Variants in NEK11 observed in about 807,000 individuals in gnomAD.
The protein encoded by NEK11 is NIMA related kinase 11, also known as serine/threonine-protein kinase Nek11.
In NEK11, 72 loss-of-function variants were observed where a neutral mutation model predicts 80.7. The observed-to-expected ratio is 0.89, with a 90% CI of 0.74 to 1.08. NEK11 has a LOEUF of 1.08. Among genes scored for constraint, NEK11 ranks in the 50% least tolerant of loss-of-function variants. The pLI is 0.00. For missense variants in NEK11, 764 were observed against 763.6 expected (o/e 1.00, Z -0.01); for synonymous variants, 251 against 260.7 (o/e 0.96, Z 0.36).
At chr3:131,187,085 G>A (rs1231935994) in intron 14 of NEK11, among the ~76,000 whole-genome samples, 12 of 152,206 alleles carry the variant, frequency 7.9e-5, no homozygotes, top group South Asian at 2.1e-4. Context: ...GGTGCTGTGC[G>A]TTTGAGGAGC....
chr3:131,227,098 G>A lies in NEK11; in HGVS notation c.1400-1430G>A, dbSNP rs192117281. On this transcript the variant is annotated intron_variant, in intron 14 of 17. Transcript: ENST00000383366. ...TTGAAATTGCTGAGAGAAGGTATGAGATCCCTAGTACACTGCTTTCTAAGG... is the reference window on the plus strand; with the variant it reads ...TTGAAATTGCTGAGAGAAGGTATGAAATCCCTAGTACACTGCTTTCTAAGG... 4.6e-5 allele frequency among the ~76,000 whole-genome samples: 7 copies of A among 151,712 alleles called. No homozygotes were observed. The East Asian group carries it at 1.4e-3, about 29-fold the overall frequency.
intron 3 of NEK11, 67 bp downstream of exon 3, chr3:131,029,945 G>A (rs1452695098): frequency 6.1e-6 from 9 of 1,472,646 alleles, no homozygotes. Flanking sequence ...TAGCTGATTA[G>A]GAACATGGAG....
rs898385668 is a variant in NEK11 at position 131,233,144 on chromosome 3, G to A, written c.1560+4456G>A. Reference sequence around the variant, plus strand: ...GGAGGGAGGGAGGGAGAGAGAGAGGGAGCAATTGGATGGGAGCCTCAGGCT... The same window carrying A: ...GGAGGGAGGGAGGGAGAGAGAGAGGAAGCAATTGGATGGGAGCCTCAGGCT... On this transcript the variant is annotated intron_variant, in intron 15 of 17. Transcript: ENST00000383366. Among the ~76,000 whole-genome samples the A allele has an allele frequency of 4.0e-5, 6 of 151,862 alleles. No individual in the cohort carries two copies. In the South Asian group the frequency reaches 1.2e-3, roughly 32 times the overall value.
intron 15 of NEK11, among the ~76,000 whole-genome samples, chr3:131,241,129 A>C (rs1409549698): frequency 6.6e-6 from 1 of 152,154 alleles, no homozygotes; most frequent in African/African-American, 2.4e-5. Context: ...ATATGAAGGC[A>C]TATATTAGCT....
At chr3:131,125,740 T>C (rs562559820) in intron 5 of NEK11, among the ~76,000 whole-genome samples, 2 of 152,348 alleles carry the variant, frequency 1.3e-5, no homozygotes, top group East Asian at 3.9e-4. Flanking sequence ...TCCCACTAGA[T>C]AGTATTCATC....
At chr3:131,280,508 C>T (rs2096379661) in intron 17 of NEK11, among the ~76,000 whole-genome samples, 1 of 152,076 alleles carries the variant, frequency 6.6e-6, no homozygotes, top group South Asian at 2.1e-4. Context: ...TATAAATAGA[C>T]ATTATAAGCA....
chr3:131,076,632 T>C (rs2074404224), intron 3 of NEK11, among the ~76,000 whole-genome samples: 1 of 152,174 alleles, frequency 6.6e-6, no homozygotes, highest in Admixed American at 6.5e-5. Flanking sequence ...TAAGTTGAAA[T>C]TAAAATTTCC....
intron 17 of NEK11, among the ~76,000 whole-genome samples, chr3:131,321,156 A>G (rs955014196): frequency 9.2e-5 from 14 of 152,322 alleles, no homozygotes; most frequent in Non-Finnish European, 1.6e-4. Flanking sequence ...AAACAGACAC[A>G]TAGACCAATG....
chr3:131,292,847 G>T (rs1447522636), intron 17 of NEK11, among the ~76,000 whole-genome samples: 2 of 151,994 alleles, frequency 1.3e-5, no homozygotes, highest in South Asian at 2.1e-4. Flanking sequence ...TTTTGGGGGG[G>T]TGCTGATGTA....
In NEK11 at chr3:131,203,361, T is replaced by C. The variant is rs973484540; in HGVS notation, c.1400-25167T>C. On this transcript the variant is annotated intron_variant, in intron 14 of 17. Coordinates refer to ENST00000383366, the MANE Select transcript of NEK11 (RefSeq NM_024800.5). ...ACCAAACACCGCATGTTCTCACTCA[T>C]AGATGGGAATTGAACAATGAGAACA... Among the ~76,000 whole-genome samples the C allele has an allele frequency of 5.0e-4, 71 of 141,714 alleles. 1 individual carries two copies. The highest frequency in any genetic ancestry group is 9.0e-5 in the Non-Finnish European group (6 of 66,334). 93.0% of individuals were successfully genotyped at this position (141,714 alleles called of 152,430 possible).
intron 14 of NEK11, among the ~76,000 whole-genome samples, chr3:131,213,596 T>C (rs1561005514): frequency 6.6e-6 from 1 of 152,156 alleles, no homozygotes; most frequent in Non-Finnish European, 1.5e-5. Flanking sequence ...GTGGTCTTAG[T>C]TAGAATCTTA....
At chr3:131,341,429 G>A (rs2097284139) in intron 17 of NEK11, among the ~76,000 whole-genome samples, 1 of 152,158 alleles carries the variant, frequency 6.6e-6, no homozygotes, top group Admixed American at 6.5e-5. Flanking sequence ...CATTTATTGA[G>A]GGTTAAATTG....
At chr3:131,124,896 G>A (rs191080536) in intron 5 of NEK11, among the ~76,000 whole-genome samples, 2 of 152,240 alleles carry the variant, frequency 1.3e-5, no homozygotes, top group Admixed American at 1.3e-4. Flanking sequence ...ACAACATTGG[G>A]CAAGTTATTT....
At chr3:131,250,756 C>A (rs758013806) in intron 16 of NEK11, among the ~76,000 whole-genome samples, 1 of 152,022 alleles carries the variant, frequency 6.6e-6, no homozygotes, top group South Asian at 2.1e-4. Flanking sequence ...AGGAATGGAA[C>A]TAATGGATAA....
chr3:131,244,177 G>C (rs1363144768), intron 16 of NEK11, among the ~76,000 whole-genome samples: 1 of 151,902 alleles, frequency 6.6e-6, no homozygotes, highest in Non-Finnish European at 1.5e-5. Flanking sequence ...TCTTCAAAGG[G>C]AATGGCAGGG....
intron 15 of NEK11, among the ~76,000 whole-genome samples, chr3:131,232,555 G>A (rs891020678): frequency 2.0e-5 from 3 of 152,178 alleles, no homozygotes; most frequent in Non-Finnish European, 2.9e-5. Context: ...GATGAAAGGC[G>A]GCAGAGTTCC....
At chr3:131,300,301 T>C (rs2096646831) in intron 17 of NEK11, among the ~76,000 whole-genome samples, 1 of 152,220 alleles carries the variant, frequency 6.6e-6, no homozygotes, top group Admixed American at 6.5e-5. Context: ...ATGTATAGTT[T>C]GTAAATATTT....
chr3:131,058,624 C>G (rs1364079541), intron 3 of NEK11, among the ~76,000 whole-genome samples: 2 of 152,150 alleles, frequency 1.3e-5, no homozygotes, highest in Non-Finnish European at 2.9e-5. Context: ...ATCTTCATCT[C>G]TTTATGCCTC....
chr3:131,166,106 C>T (rs564829278), intron 12 of NEK11, among the ~76,000 whole-genome samples: 1 of 152,172 alleles, frequency 6.6e-6, no homozygotes, highest in South Asian at 2.1e-4. Context: ...TCTCCACAGG[C>T]CTTGGGTAGG....
Sources: gnomAD v4.1 joint callset for allele counts (sites outside exome capture counted in the v4.1 genomes callset) on GRCh38, gnomAD v4.1.1 for gene constraint, MANE v1.5 for transcripts, NCBI Gene and HGNC (gene_info 2026-07-23, HGNC 2026-07-21) for gene names.